LRBA: variants seen among roughly 807,000 people sequenced by gnomAD.
LRBA encodes LPS responsive beige-like anchor protein.
LRBA carries 176 observed loss-of-function variants against 330.0 expected under a neutral mutation model. The observed-to-expected ratio is 0.53, with a 90% CI of 0.47 to 0.60. LRBA has a LOEUF of 0.60. LRBA is among the 20% of genes least tolerant of loss of function. LRBA has a pLI of 0.00. For missense variants in LRBA, 3,259 were observed against 3,444.8 expected (o/e 0.95, Z 1.35); for synonymous variants, 1,230 against 1,193.0 (o/e 1.03, Z -0.64).
intron 30 of LRBA, among the ~76,000 whole-genome samples, chr4:150,827,272 G>A (rs1367081714): frequency 6.6e-6 from 1 of 152,160 alleles, no homozygotes; most frequent in Admixed American, 6.5e-5. Context: ...ACCCTTCTAT[G>A]ATACAGGCAC....
intron 2 of LRBA, among the ~76,000 whole-genome samples, chr4:150,952,157 GT>G (rs1319395795): frequency 6.6e-6 from 1 of 152,082 alleles, no homozygotes; most frequent in Non-Finnish European, 1.5e-5. Context: ...AGCAGTACTG[GT>G]CTCACTGAGA....
chr4:150,463,218 T>C (rs1031397896), intron 44 of LRBA, among the ~76,000 whole-genome samples: 3 of 151,954 alleles, frequency 2.0e-5, no homozygotes, highest in African/African-American at 4.8e-5. Flanking sequence ...CACACTACCA[T>C]TGGTTTATAG....
intron 48 of LRBA, among the ~76,000 whole-genome samples, chr4:150,334,352 A>T (rs935132256): frequency 1.3e-5 from 2 of 152,162 alleles, no homozygotes; most frequent in Non-Finnish European, 2.9e-5. Flanking sequence ...CTATTAATAC[A>T]TAGAAGAGTA....
rs551006765 is a variant in LRBA, at chr4:150,523,607, T to C, written c.6331-32572A>G. ...TTGACATATCCTATGAGGAATTATA[T>C]GAGATCCAGATGATATCACTAGTGA... On this transcript the variant is annotated intron_variant, in intron 40 of 56. Coordinates refer to ENST00000651943, the MANE Select transcript of LRBA (RefSeq NM_001364905.1). Among the ~76,000 whole-genome samples the C allele has an allele frequency of 7.9e-5, 12 of 152,312 alleles. No individual in the cohort carries two copies. In the South Asian group the frequency reaches 2.5e-3, roughly 32 times the overall value.
intron 40 of LRBA, among the ~76,000 whole-genome samples, chr4:150,570,124 C>T (rs1379084744): frequency 6.6e-6 from 1 of 152,068 alleles, no homozygotes; most frequent in African/African-American, 2.4e-5. Flanking sequence ...TAATAGATTT[C>T]ACTGAACACT....
intron 34 of LRBA, among the ~76,000 whole-genome samples, chr4:150,769,411 A>T (rs1394376194): frequency 6.6e-6 from 1 of 152,192 alleles, no homozygotes; most frequent in Non-Finnish European, 1.5e-5. Context: ...ACATTGGCTA[A>T]CAAGTGCCAA....
At chr4:150,493,183 T>C (rs1393882865) in intron 40 of LRBA, among the ~76,000 whole-genome samples, 1 of 152,058 alleles carries the variant, frequency 6.6e-6, no homozygotes, top group Admixed American at 6.6e-5. Context: ...GAGGTCTCAC[T>C]ATGTTCCCCA....
chr4:150,634,389 A>G (rs772863890), intron 37 of LRBA, among the ~76,000 whole-genome samples: 16 of 152,226 alleles, frequency 1.1e-4, no homozygotes, highest in East Asian at 1.9e-4. Flanking sequence ...TCTGAGGCAT[A>G]GCATAGTGAC....
intron 40 of LRBA, chr4:150,584,019 G>GC (rs1561388043): frequency 1.2e-6 from 2 of 1,613,726 alleles, no homozygotes; most frequent in Non-Finnish European, 8.5e-7. Context: ...TTCAGGGCAA[G>GC]CCCCATTCGG....
intron 34 of LRBA, among the ~76,000 whole-genome samples, chr4:150,788,424 C>T (rs1198615887): frequency 1.3e-5 from 2 of 151,892 alleles, no homozygotes; most frequent in Non-Finnish European, 2.9e-5. Flanking sequence ...ATACCCATTT[C>T]ACTTAATAAG....
intron 38 of LRBA, among the ~76,000 whole-genome samples, chr4:150,592,113 C>T (rs1053472954): frequency 1.6e-4 from 20 of 128,556 alleles, no homozygotes; most frequent in African/African-American, 5.8e-4. Flanking sequence ...ACCCAGGCTG[C>T]GGCTTTTGAT....
intron 37 of LRBA, among the ~76,000 whole-genome samples, chr4:150,674,880 G>A (rs1425596339): frequency 4.0e-5 from 6 of 151,552 alleles, no homozygotes; most frequent in South Asian, 2.1e-4. Context: ...GTCTCAAAAC[G>A]AAAAAACCAC....
intron 2 of LRBA, among the ~76,000 whole-genome samples, chr4:150,962,276 G>C (rs1738230216): frequency 6.7e-6 from 1 of 149,370 alleles, no homozygotes; most frequent in Non-Finnish European, 1.5e-5. Context: ...CCAACACTTT[G>C]GGAGGCTGAG....
intron 47 of LRBA, among the ~76,000 whole-genome samples, chr4:150,407,879 T>A (rs1433906554): frequency 6.6e-6 from 1 of 151,664 alleles, no homozygotes; most frequent in African/African-American, 2.4e-5. Flanking sequence ...AAACAAAATA[T>A]CAAAATTTAT....
chr4:150,485,757 C>T (rs1307678837), intron 42 of LRBA, among the ~76,000 whole-genome samples: 1 of 151,942 alleles, frequency 6.6e-6, no homozygotes, highest in Non-Finnish European at 1.5e-5. Context: ...GTTTAAGCCA[C>T]CCAATTTGTG....
chr4:150,898,904 C>A (rs1007867028), intron 14 of LRBA, among the ~76,000 whole-genome samples: 1 of 152,132 alleles, frequency 6.6e-6, no homozygotes, highest in Non-Finnish European at 1.5e-5. Context: ...GTACCAGATT[C>A]TCTGAGGCTA....
At chr4:150,829,389 C>G (rs1432092379) in intron 29 of LRBA, among the ~76,000 whole-genome samples, 4 of 152,156 alleles carry the variant, frequency 2.6e-5, no homozygotes, top group African/African-American at 9.7e-5. Context: ...TCTTTTAATT[C>G]TCACTCCCTT....
intron 35 of LRBA, among the ~76,000 whole-genome samples, chr4:150,760,059 T>A (rs752652479): frequency 3.3e-5 from 5 of 152,186 alleles, no homozygotes; most frequent in Non-Finnish European, 7.4e-5. Flanking sequence ...CTAAAAATTA[T>A]AAAAAATCTG....
chr4:150,523,670 G>A (rs1763160417), intron 40 of LRBA, among the ~76,000 whole-genome samples: 1 of 152,088 alleles, frequency 6.6e-6, no homozygotes, highest in South Asian at 2.1e-4. Context: ...GAATTAGCCA[G>A]ATTTTACCAC....
Sources: gnomAD v4.1 joint callset for allele counts (sites outside exome capture counted in the v4.1 genomes callset) on GRCh38, gnomAD v4.1.1 for gene constraint, MANE v1.5 for transcripts, NCBI Gene and HGNC (gene_info 2026-07-23, HGNC 2026-07-21) for gene names.